Variants in MICU3 observed in about 807,000 individuals in gnomAD.
MICU3 encodes mitochondrial calcium uptake 3, also known as calcium uptake protein 3, mitochondrial.
MICU3 carries 62 observed loss-of-function variants against 66.5 expected under a neutral mutation model. That is an observed-to-expected ratio of 0.93 (90% confidence interval 0.76 to 1.15). The LOEUF is 1.15. Ranked by LOEUF, MICU3 falls within the 50% of genes most tolerant of loss-of-function variation. The pLI, the probability that MICU3 is intolerant of heterozygous loss-of-function variation, is 0.00. For missense variants in MICU3, 779 were observed against 664.4 expected, an observed-to-expected ratio of 1.17 and a Z score of -1.90; for synonymous variants, 308 against 240.7, an observed-to-expected ratio of 1.28 and a Z score of -2.59.
At chr8:17,050,426 TA>T (rs1815868523) in intron 1 of MICU3, among the ~76,000 whole-genome samples, 1 of 152,094 alleles carries the variant, frequency 6.6e-6, no homozygotes, top group South Asian at 2.1e-4. Flanking sequence ...AATATTTCAT[TA>T]AACTGATATA....
At chr8:17,052,972 G>A (rs1338369168) in intron 1 of MICU3, among the ~76,000 whole-genome samples, 1 of 152,118 alleles carries the variant, frequency 6.6e-6, no homozygotes, top group African/African-American at 2.4e-5. Context: ...TGTTGGTACA[G>A]TTGCCAACAT....
At chr8:17,112,809 G>A (rs890402164) in intron 11 of MICU3, among the ~76,000 whole-genome samples, 10 of 152,172 alleles carry the variant, frequency 6.6e-5, no homozygotes, top group Non-Finnish European at 1.0e-4. Context: ...TGCTGTTATG[G>A]CAGCAGGTCG....
intron 5 of MICU3, among the ~76,000 whole-genome samples, chr8:17,082,219 T>A (rs1026573656): frequency 6.6e-6 from 1 of 152,136 alleles, no homozygotes; most frequent in Non-Finnish European, 1.5e-5. Context: ...TCAGTTAAAT[T>A]TCTTTGCATT....
intron 11 of MICU3, 48 bp from the exon 12 acceptor site, chr8:17,114,045 A>G (rs369830241): frequency 3.2e-4 from 366 of 1,140,078 alleles, no homozygotes; most frequent in Admixed American, 8.8e-4. Context: ...CCTGATTTTA[A>G]TAAATTTGGC....
chr8:17,084,987 A>C (rs1033881221), intron 5 of MICU3, among the ~76,000 whole-genome samples: 1 of 152,092 alleles, frequency 6.6e-6, no homozygotes, highest in Non-Finnish European at 1.5e-5. Flanking sequence ...TAAAAAAGAG[A>C]AGTGCTTTAG....
rs978300235 is a variant in MICU3 at position 17,120,664 on chromosome 8, A to C, written c.*377A>C. 2 of 152,552 alleles carry C rather than the reference A, an allele frequency of 1.3e-5. No homozygotes were observed. Among genetic ancestry groups the C allele is most frequent in the East Asian group, 3.9e-4 (2 of 5,184 alleles). The allele number at this position is 152,552 out of a possible 1,614,324, so 9.4% of individuals were successfully genotyped here. ...TTCAAAATAATTTATGACTCATGGA[A>C]TGTTGATCGCCTAAAAATGAACATC... On this transcript the variant is annotated 3_prime_UTR_variant, in exon 15 of 15. Coordinates refer to ENST00000318063, the MANE Select transcript of MICU3 (RefSeq NM_181723.3).
At chr8:17,064,754 G>C (rs1195743226) in intron 2 of MICU3, among the ~76,000 whole-genome samples, 1 of 152,090 alleles carries the variant, frequency 6.6e-6, no homozygotes, top group African/African-American at 2.4e-5. Context: ...TCTCATGTGT[G>C]CTTTTTTATT....
At chr8:17,057,819 G>A (rs79350505) in intron 1 of MICU3, among the ~76,000 whole-genome samples, 12,081 of 150,802 alleles carry the variant, frequency 0.08, 700 homozygotes, top group African/African-American at 0.15. Context: ...CCTTTTTTTC[G>A]TTTTTTGTTG....
intron 1 of MICU3, among the ~76,000 whole-genome samples, chr8:17,051,302 T>C (rs771798568): frequency 1.8e-4 from 27 of 152,218 alleles, no homozygotes; most frequent in Non-Finnish European, 3.1e-4. Context: ...CATTCACTTA[T>C]TCATTTATTC....
intron 11 of MICU3, among the ~76,000 whole-genome samples, chr8:17,112,432 C>A (rs565084054): frequency 6.6e-6 from 1 of 152,260 alleles, no homozygotes; most frequent in East Asian, 1.9e-4. Flanking sequence ...ATGGCCACAC[C>A]CCTTTTGTCT....
At chr8:17,084,813 C>A (rs748670144) in intron 5 of MICU3, among the ~76,000 whole-genome samples, 2 of 151,990 alleles carry the variant, frequency 1.3e-5, no homozygotes, top group Non-Finnish European at 2.9e-5. Context: ...TTATGCTTGA[C>A]ATTTATTTTC....
At chr8:17,050,887 A>G (rs1166757099) in intron 1 of MICU3, among the ~76,000 whole-genome samples, 2 of 151,966 alleles carry the variant, frequency 1.3e-5, no homozygotes, top group Admixed American at 1.3e-4. Flanking sequence ...ATTTATTGTG[A>G]TTGAGAACAT....
At chr8:17,130,304 G>A in the MICU3 span, among the ~76,000 whole-genome samples, 13 of 152,042 alleles carry the variant, frequency 8.6e-5, no homozygotes, top group South Asian at 2.1e-4. Flanking sequence ...GCGGTGGGTC[G>A]CCTGAGGGTA....
intron 11 of MICU3, 46 bp downstream of exon 11, chr8:17,105,630 A>G (rs1390057916): frequency 3.4e-6 from 4 of 1,182,148 alleles, no homozygotes; most frequent in Non-Finnish European, 3.5e-6. Context: ...GTTTTGCAAT[A>G]CGTGCCTCTA....
chr8:17,070,242 C>G (rs1819348839), intron 3 of MICU3, among the ~76,000 whole-genome samples: 1 of 151,834 alleles, frequency 6.6e-6, no homozygotes, highest in Admixed American at 6.6e-5. Flanking sequence ...TTTAATATAT[C>G]AATACTATAC....
intron 1 of MICU3, among the ~76,000 whole-genome samples, chr8:17,052,407 T>C (rs192123846): frequency 6.6e-6 from 1 of 152,300 alleles, no homozygotes; most frequent in Non-Finnish European, 1.5e-5. Flanking sequence ...AATTTTATTA[T>C]TAATTACAGT....
chr8:17,063,744 C>T (rs577656673), intron 1 of MICU3, among the ~76,000 whole-genome samples: 9 of 152,168 alleles, frequency 5.9e-5, no homozygotes, highest in East Asian at 1.9e-4. Flanking sequence ...ATTCAGCAAG[C>T]GCTGGTGTTC....
At chr8:17,040,997 C>T (rs1229477039) in intron 1 of MICU3, among the ~76,000 whole-genome samples, 1 of 152,162 alleles carries the variant, frequency 6.6e-6, no homozygotes, top group Non-Finnish European at 1.5e-5. Context: ...GAATCTGTAA[C>T]TTGTACAATA....
At chr8:17,067,218 G>C (rs1011393617) in intron 2 of MICU3, among the ~76,000 whole-genome samples, 31 of 152,268 alleles carry the variant, frequency 2.0e-4, no homozygotes, top group Middle Eastern at 6.8e-3. Context: ...TAAAACTGTA[G>C]CGTAATGAAA....
Sources: gnomAD v4.1 joint callset for allele counts (sites outside exome capture counted in the v4.1 genomes callset) on GRCh38, gnomAD v4.1.1 for gene constraint, MANE v1.5 for transcripts, NCBI Gene and HGNC (gene_info 2026-07-23, HGNC 2026-07-21) for gene names.